CHN1: variants seen among roughly 807,000 people sequenced by gnomAD.
The protein encoded by CHN1 is N-chimaerin.
In CHN1, 37 loss-of-function variants were observed where a neutral mutation model predicts 59.5. The ratio of observed to expected loss-of-function variants is 0.62; its 90% confidence interval spans 0.48 to 0.82. CHN1 has a LOEUF of 0.82. Among genes scored for constraint, CHN1 ranks in the 40% least tolerant of loss-of-function variants. The pLI is 0.00. For missense variants in CHN1, 469 were observed against 571.0 expected (o/e 0.82, Z 1.82); for synonymous variants, 206 against 200.4 (o/e 1.03, Z -0.24).
intron 6 of CHN1, among the ~76,000 whole-genome samples, chr2:174,856,503 T>C (rs187525646): frequency 1.3e-5 from 2 of 152,264 alleles, no homozygotes; most frequent in East Asian, 3.9e-4. Flanking sequence ...ATAAGACATC[T>C]GAAAACAATG....
chr2:174,958,502 C>T (rs983942551), intron 1 of CHN1, among the ~76,000 whole-genome samples: 1 of 152,122 alleles, frequency 6.6e-6, no homozygotes, highest in Non-Finnish European at 1.5e-5. Context: ...ACCTATGAGC[C>T]GTGAGGGCCT....
chr2:174,901,749 A>T (rs1385371397), intron 5 of CHN1, among the ~76,000 whole-genome samples: 5 of 152,218 alleles, frequency 3.3e-5, no homozygotes, highest in Non-Finnish European at 7.3e-5. Context: ...GGGCCATGAG[A>T]TTATAGGTAA....
intron 1 of CHN1, among the ~76,000 whole-genome samples, chr2:175,003,115 C>T (rs1691940751): frequency 6.6e-6 from 1 of 152,172 alleles, no homozygotes; most frequent in Non-Finnish European, 1.5e-5. Context: ...TAATAGACAT[C>T]CCAGATGACT....
intron 1 of CHN1, among the ~76,000 whole-genome samples, chr2:174,990,763 C>T (rs1477525119): frequency 6.6e-6 from 1 of 152,148 alleles, no homozygotes; most frequent in Non-Finnish European, 1.5e-5. Context: ...AACTTTTAAA[C>T]ATTATGATAA....
chr2:174,915,344 C>T (rs2105370634), intron 4 of CHN1, 173 bp from the exon 5 acceptor site: 1 of 595,910 alleles, frequency 1.7e-6, no homozygotes, highest in East Asian at 2.8e-5. Flanking sequence ...TGGACCTGGC[C>T]CCCAGCCAGC....
chr2:174,910,651 A>C (rs2105365936), intron 5 of CHN1, among the ~76,000 whole-genome samples: 1 of 152,308 alleles, frequency 6.6e-6, no homozygotes, highest in East Asian at 1.9e-4. Flanking sequence ...AATAGCAAGA[A>C]AAAAATTAGT....
chr2:174,962,112 C>A (rs1025463992), intron 1 of CHN1, among the ~76,000 whole-genome samples: 1 of 152,068 alleles, frequency 6.6e-6, no homozygotes, highest in African/African-American at 2.4e-5. Context: ...TGGTGAAACC[C>A]CGTCTCTACT....
At chr2:174,840,867 C>T (rs1686276439) in intron 7 of CHN1, among the ~76,000 whole-genome samples, 1 of 152,118 alleles carries the variant, frequency 6.6e-6, no homozygotes, top group South Asian at 2.1e-4. Flanking sequence ...CAAAACATGT[C>T]TTCCTCATTT....
chr2:174,906,945 T>A (rs775237933), intron 5 of CHN1, among the ~76,000 whole-genome samples: 1 of 152,172 alleles, frequency 6.6e-6, no homozygotes, highest in Non-Finnish European at 1.5e-5. Context: ...TTATCTGAAT[T>A]TACCAAACAG....
intron 5 of CHN1, among the ~76,000 whole-genome samples, chr2:174,895,398 A>T (rs182157417): frequency 6.6e-6 from 1 of 152,188 alleles, no homozygotes; most frequent in Non-Finnish European, 1.5e-5. Flanking sequence ...AACAAAAAGT[A>T]GAATGGTGGC....
intron 5 of CHN1, among the ~76,000 whole-genome samples, chr2:174,893,868 A>C (rs1688128316): frequency 6.6e-6 from 1 of 152,192 alleles, no homozygotes; most frequent in Non-Finnish European, 1.5e-5. Context: ...AAGACTACAC[A>C]ACAGGAAAAG....
rs1685107306 is a variant in CHN1 at position 174,812,410 on chromosome 2, A to G, written c.785T>C (p.Val262Ala). 6.2e-7 allele frequency: 1 copy of G among 1,613,974 alleles called. No individual in the cohort carries two copies. Among genetic ancestry groups the G allele is most frequent in the Non-Finnish European group, 8.5e-7 (1 of 1,179,878 alleles). Residue 262 changes from valine (V) to alanine (A), a missense_variant, in exon 9 of 13, where the codon GTC (valine) becomes GCC (alanine). By Grantham distance (64) the Val-to-Ala change is moderately conservative. Transcript: ENST00000409900. ...PNDCKPDLKH[V>A]KKVYSCDLTT... ...AAGGTCACAGCTGTACACCTTTTTG[A>G]CATGCTTCAAGTCTGGCTTACAGTC... is the stretch of plus-strand genomic sequence containing the variant.
intron 1 of CHN1, among the ~76,000 whole-genome samples, chr2:174,961,021 A>G (rs35619215): frequency 0.046 from 6,912 of 150,444 alleles, 214 homozygotes; most frequent in African/African-American, 0.084. Context: ...CCAGCTACAC[A>G]GGAAACTGGG....
At chr2:174,811,663 G>T in intron 9 of CHN1, 75 bp from the exon 10 acceptor site, 1 of 828,100 alleles carries the variant, frequency 1.2e-6, no homozygotes, top group Non-Finnish European at 1.9e-6. Context: ...CTTTAAGCTG[G>T]GAGGTAATGT....
At chr2:175,004,742 C>CGGCGCCCCG (rs1220355304) in intron 1 of CHN1, among the ~76,000 whole-genome samples, 152 bp downstream of exon 1, 134 of 151,330 alleles carry the variant, frequency 8.9e-4, no homozygotes, top group African/African-American at 3.0e-3. Context: ...GGGAGCAAGC[C>CGGCGCCCCG]GGCGCCCCGG....
intron 8 of CHN1, among the ~76,000 whole-genome samples, chr2:174,813,682 AAAT>A (rs1373284427): frequency 6.6e-6 from 1 of 152,240 alleles, no homozygotes; most frequent in Non-Finnish European, 1.5e-5. Flanking sequence ...TTTTTAAAAA[AAAT>A]AACCCATTTG....
chr2:174,935,225 G>T (rs1352621469), intron 3 of CHN1, among the ~76,000 whole-genome samples: 3 of 152,276 alleles, frequency 2.0e-5, no homozygotes, highest in African/African-American at 7.2e-5. Flanking sequence ...CTAAGTAAAG[G>T]TTGAGCTACC....
At position 174,806,878 on chromosome 2, in the gene CHN1, G is replaced by A. The variant is rs181356299; in HGVS notation, c.1102+2027C>T. Among the ~76,000 whole-genome samples the A allele has an allele frequency of 1.6e-3, 251 of 152,192 alleles. 3 individuals carry two copies. The highest frequency in any genetic ancestry group is 5.9e-3 in the African/African-American group (243 of 41,528). On this transcript the variant is annotated intron_variant, in intron 11 of 12. Coordinates refer to ENST00000409900, the MANE Select transcript of CHN1 (RefSeq NM_001822.7). ...CACAATATTCCACAAACAAGATATC[G>A]CTATTAAACATGTACAACAAACGTT...
chr2:175,004,769 GC>G (rs1692005967), intron 1 of CHN1, 124 bp downstream of exon 1: 1 of 346,324 alleles, frequency 2.9e-6, no homozygotes, highest in Non-Finnish European at 4.1e-6. Flanking sequence ...CAACTCTGCG[GC>G]CCCGGCCCGC....
Sources: gnomAD v4.1 joint callset for allele counts (sites outside exome capture counted in the v4.1 genomes callset) on GRCh38, gnomAD v4.1.1 for gene constraint, MANE v1.5 for transcripts, NCBI Gene and HGNC (gene_info 2026-07-23, HGNC 2026-07-21) for gene names.